The following ADAM19 variants were observed in gnomAD, a reference collection of about 807,000 sequenced individuals.
The protein encoded by ADAM19 is disintegrin and metalloproteinase domain-containing protein 19.
Under a neutral mutation model 114.7 loss-of-function variants are expected in ADAM19, and 65 were observed. The ratio of observed to expected loss-of-function variants is 0.57; its 90% CI spans 0.46 to 0.70. The LOEUF (loss-of-function observed/expected upper bound fraction) is 0.70. Among genes scored for constraint, ADAM19 ranks in the 30% least tolerant of loss-of-function variants. ADAM19 has a pLI of 0.00. For missense variants in ADAM19, 1,063 were observed against 1,204.7 expected (o/e 0.88, Z 1.74); for synonymous variants, 466 against 460.5 (o/e 1.01, Z -0.15).
intron 15 of ADAM19, among the ~76,000 whole-genome samples, chr5:157,493,443 T>C (rs1755242713): frequency 6.6e-6 from 1 of 152,200 alleles, no homozygotes; most frequent in Non-Finnish European, 1.5e-5. Context: ...AATAGCCACC[T>C]GAGCTGAGCA....
intron 19 of ADAM19, 110 bp downstream of exon 19, chr5:157,490,200 G>T: frequency 8.0e-7 from 1 of 1,257,550 alleles, no homozygotes; most frequent in Non-Finnish European, 1.1e-6. Context: ...TCTTGCACTT[G>T]TCTTCCCTGA....
chr5:157,532,709 T>C (rs929540496), intron 4 of ADAM19, among the ~76,000 whole-genome samples: 11 of 152,206 alleles, frequency 7.2e-5, no homozygotes, highest in African/African-American at 2.7e-4. Flanking sequence ...AGTTGCTTCT[T>C]TGTCCCCACC....
chr5:157,552,970 T>C (rs998824507), intron 3 of ADAM19, among the ~76,000 whole-genome samples: 3 of 152,142 alleles, frequency 2.0e-5, no homozygotes, highest in Admixed American at 2.0e-4. Context: ...TCTCACTTAT[T>C]TGTAGGATCT....
intron 3 of ADAM19, among the ~76,000 whole-genome samples, chr5:157,555,879 C>G (rs1157542144): frequency 2.0e-5 from 3 of 152,194 alleles, no homozygotes; most frequent in Non-Finnish European, 2.9e-5. Context: ...ATGGCTGCAC[C>G]ACTCTAATCT....
At position 157,498,692 on chromosome 5, in the gene ADAM19, A is replaced by G. The variant is rs1023892391; in HGVS notation, c.1398+881T>C. 8.8e-4 allele frequency among the ~76,000 whole-genome samples: 126 copies of G among 143,706 alleles called. 1 individual carries two copies. Among genetic ancestry groups the G allele is most frequent in the African/African-American group, 2.0e-3 (76 of 37,306 alleles). 94.3% of individuals were successfully genotyped at this position (143,706 alleles called of 152,430 possible). On this transcript the variant is annotated intron_variant, in intron 13 of 22. Transcript: ENST00000257527. ...TATAATTACACATGTGTGTATGTAT[A>G]TATATATATATATATATATGGATAT...
chr5:157,524,930 C>T (rs1343322852), intron 5 of ADAM19, among the ~76,000 whole-genome samples: 1 of 152,208 alleles, frequency 6.6e-6, no homozygotes, highest in Non-Finnish European at 1.5e-5. Context: ...ATTCGATAGC[C>T]ATTCTACACA....
intron 18 of ADAM19, 144 bp downstream of exon 18, chr5:157,491,469 CTT>C (rs1488299661): frequency 2.5e-5 from 15 of 592,380 alleles, no homozygotes; most frequent in South Asian, 2.3e-4. Flanking sequence ...GCTCCTCTCT[CTT>C]GGTCTGTCTT....
At chr5:157,486,978 G>A (rs969437053) in intron 21 of ADAM19, among the ~76,000 whole-genome samples, 8 of 152,132 alleles carry the variant, frequency 5.3e-5, no homozygotes, top group Non-Finnish European at 8.8e-5. Flanking sequence ...GCATAGGAAA[G>A]GCCTCGTGAG....
chr5:157,527,632 G>A (rs1009588218), intron 5 of ADAM19, among the ~76,000 whole-genome samples: 3 of 151,994 alleles, frequency 2.0e-5, no homozygotes, highest in African/African-American at 7.2e-5. Context: ...CAAAACATGG[G>A]GATTGCAATT....
At chr5:157,518,180 G>C (rs545861642) in intron 7 of ADAM19, among the ~76,000 whole-genome samples, 124 of 152,186 alleles carry the variant, frequency 8.1e-4, no homozygotes, top group African/African-American at 3.0e-3. Context: ...AGACAATTCC[G>C]GGTTCCTCAG....
chr5:157,563,899 G>C (rs1742093852), intron 3 of ADAM19, among the ~76,000 whole-genome samples: 1 of 152,172 alleles, frequency 6.6e-6, no homozygotes, highest in African/African-American at 2.4e-5. Flanking sequence ...ATGCCCTGTT[G>C]ACAAAATCTC....
intron 5 of ADAM19, among the ~76,000 whole-genome samples, chr5:157,528,077 G>A (rs1252224159): frequency 6.6e-6 from 1 of 152,162 alleles, no homozygotes; most frequent in Non-Finnish European, 1.5e-5. Flanking sequence ...TGCTTTATGA[G>A]CTTTGGGAGG....
chr5:157,497,266 T>G (rs371911105), intron 13 of ADAM19, among the ~76,000 whole-genome samples, 177 bp from the exon 14 acceptor site: 6 of 152,230 alleles, frequency 3.9e-5, no homozygotes, highest in Non-Finnish European at 7.3e-5. Flanking sequence ...ATGTGAATAC[T>G]GACAGAATTT....
chr5:157,482,687 C>T (rs762691230), intron 21 of ADAM19, among the ~76,000 whole-genome samples: 13 of 152,038 alleles, frequency 8.6e-5, no homozygotes, highest in African/African-American at 2.4e-5. Flanking sequence ...ACCATTTGAC[C>T]CAGCAATCCC....
chr5:157,571,650 G>A (rs1469709904), intron 1 of ADAM19, among the ~76,000 whole-genome samples: 1 of 152,174 alleles, frequency 6.6e-6, no homozygotes, highest in African/African-American at 2.4e-5. Flanking sequence ...CTGCGTGGTG[G>A]AGAATGGGGG....
At chr5:157,481,972 A>G in intron 21 of ADAM19, 29 bp from the exon 22 acceptor site, 3 of 1,539,940 alleles carry the variant, frequency 1.9e-6, no homozygotes, top group Non-Finnish European at 2.6e-6. Flanking sequence ...GCCTCACTTG[A>G]AGGCCAGAGG....
chr5:157,518,806 C>T lies in ADAM19; in HGVS notation c.666+17G>A. 1 of 1,606,598 alleles carries T rather than the reference C, an allele frequency of 6.2e-7. No individual in the cohort carries two copies. The highest frequency in any genetic ancestry group is 8.5e-7 in the Non-Finnish European group (1 of 1,173,054). Reference sequence around the variant, plus strand: ...AAGAGAGCAGTTTTTCTGCAAGACCCATTGCCTCCCCCTTACCTCTAAATA... The same window carrying T: ...AAGAGAGCAGTTTTTCTGCAAGACCTATTGCCTCCCCCTTACCTCTAAATA... On this transcript the variant is annotated intron_variant, in intron 7 of 22. Coordinates refer to ENST00000257527, the MANE Select transcript of ADAM19 (RefSeq NM_033274.5).
chr5:157,517,235 A>T (rs1423383256), intron 7 of ADAM19, among the ~76,000 whole-genome samples: 1 of 152,210 alleles, frequency 6.6e-6, no homozygotes, highest in African/African-American at 2.4e-5. Context: ...AAATGTGACT[A>T]GGTACAGCTG....
At chr5:157,490,016 A>T (rs1418929786) in intron 19 of ADAM19, among the ~76,000 whole-genome samples, 1 of 152,190 alleles carries the variant, frequency 6.6e-6, no homozygotes. Context: ...ATGGGGAATA[A>T]ATCAACTAGA....
Sources: gnomAD v4.1 joint callset for allele counts (sites outside exome capture counted in the v4.1 genomes callset) on GRCh38, gnomAD v4.1.1 for gene constraint, MANE v1.5 for transcripts, NCBI Gene and HGNC (gene_info 2026-07-23, HGNC 2026-07-21) for gene names.